EEF2K: variants seen among roughly 807,000 people sequenced by gnomAD.
EEF2K encodes the protein eukaryotic elongation factor 2 kinase.
Under a neutral mutation model 93.8 loss-of-function variants are expected in EEF2K, and 70 were observed. The observed-to-expected ratio is 0.75, with a 90% CI of 0.62 to 0.91. The LOEUF (loss-of-function observed/expected upper bound fraction) is 0.91, where lower values mean the gene tolerates loss of function less well. EEF2K is among the 40% of genes least tolerant of loss of function. EEF2K has a pLI of 0.00. For synonymous variants in EEF2K, 376 were observed against 380.8 expected (o/e 0.99, Z 0.15); for missense variants, 935 against 972.9 (o/e 0.96, Z 0.52).
intron 17 of EEF2K, among the ~76,000 whole-genome samples, chr16:22,281,947 A>G (rs1289887291): frequency 3.3e-5 from 5 of 152,172 alleles, no homozygotes. Flanking sequence ...AAAACAAAAT[A>G]CTATAGAGTG....
intron 2 of EEF2K, among the ~76,000 whole-genome samples, chr16:22,233,347 T>G (rs557155549): frequency 2.4e-4 from 36 of 152,196 alleles, no homozygotes; most frequent in Admixed American, 2.4e-3. Context: ...CAAATACATG[T>G]TTTTAATTTG....
intron 1 of EEF2K, among the ~76,000 whole-genome samples, chr16:22,207,635 T>A (rs2046876023): frequency 6.6e-6 from 1 of 152,088 alleles, no homozygotes; most frequent in African/African-American, 2.4e-5. Flanking sequence ...AGCCCTGTGG[T>A]TGAGGGCCCT....
chr16:22,228,374 A>C (rs1200958038), intron 2 of EEF2K, among the ~76,000 whole-genome samples: 3 of 152,182 alleles, frequency 2.0e-5, no homozygotes, highest in Non-Finnish European at 4.4e-5. Flanking sequence ...CCGTAATCCC[A>C]GCACTTTGGG....
intron 13 of EEF2K, 146 bp from the exon 14 acceptor site, chr16:22,266,244 C>A: frequency 8.0e-7 from 1 of 1,255,742 alleles, no homozygotes. Flanking sequence ...AAATTGGAGC[C>A]ATGTTTTGCC....
intron 17 of EEF2K, among the ~76,000 whole-genome samples, chr16:22,281,814 C>T (rs1359825812): frequency 6.6e-6 from 1 of 152,126 alleles, no homozygotes; most frequent in Admixed American, 6.6e-5. Flanking sequence ...GTACTTCATT[C>T]CTTCTTATTA....
At chr16:22,213,539 TCG>T (rs1339394901) in intron 1 of EEF2K, among the ~76,000 whole-genome samples, 1 of 152,234 alleles carries the variant, frequency 6.6e-6, no homozygotes, top group Admixed American at 6.5e-5. Context: ...CTTCAGGACT[TCG>T]TTAGTTTCCA....
chr16:22,240,990 A>G (rs1460758477), intron 2 of EEF2K, among the ~76,000 whole-genome samples: 1 of 151,832 alleles, frequency 6.6e-6, no homozygotes, highest in African/African-American at 2.4e-5. Context: ...GGCTGGTATC[A>G]AACTCCTGAC....
chr16:22,281,307 A>G (rs1165283425), intron 17 of EEF2K, among the ~76,000 whole-genome samples: 1 of 151,116 alleles, frequency 6.6e-6, no homozygotes, highest in Non-Finnish European at 1.5e-5. Context: ...TGGCACAATC[A>G]TAGCTCACTC....
At position 22,263,144 on chromosome 16, in the gene EEF2K, G is replaced by A; in HGVS notation, c.1334G>A (p.Ser445Asn). 1 of 1,613,068 alleles carries A rather than the reference G, an allele frequency of 6.2e-7. No individual in the cohort carries two copies. Among genetic ancestry groups the A allele is most frequent in the Non-Finnish European group, 8.5e-7 (1 of 1,179,472 alleles). Residue 445 changes from serine to asparagine, a missense_variant, in exon 12 of 18, where the codon AGT becomes AAT. By Grantham distance (46) the Ser-to-Asn change is conservative. Transcript: ENST00000263026. The part of the protein sequence containing the change: ...SENSGDSGYP[S>N]EKRGELDDPE... ...AATAGTGGGGACAGCGGATACCCCAGTGAGAAGCGGGGTGAGCTGGATGAC... is the reference window on the plus strand; with the variant it reads ...AATAGTGGGGACAGCGGATACCCCAATGAGAAGCGGGGTGAGCTGGATGAC...
In EEF2K at chr16:22,244,644, C is replaced by T. The variant is rs200566569; in HGVS notation, c.261C>T (p.His87=). The T allele has an allele frequency of 3.8e-5, 62 of 1,613,996 alleles. No homozygotes were observed. Among genetic ancestry groups the T allele is most frequent in the Middle Eastern group, 1.6e-4 (1 of 6,062 alleles). The change falls in exon 3 of 18, where the codon CAC becomes CAT. Residue 87 remains histidine (H), a synonymous_variant. Transcript: ENST00000263026. ...NSFHFKEAWK[H]AIQKAKHMPD... Reference sequence around the variant, plus strand: ...GCCTTCCACAGGAAGCCTGGAAGCACGCAATCCAGAAGGCCAAGCACATGC... The same window carrying T: ...GCCTTCCACAGGAAGCCTGGAAGCATGCAATCCAGAAGGCCAAGCACATGC...
At position 22,268,318 on chromosome 16, in the gene EEF2K, A is replaced by T. The variant is rs944966651; in HGVS notation, c.1764+1442A>T. Among the ~76,000 whole-genome samples, 6 of 152,066 alleles carry T rather than the reference A, an allele frequency of 3.9e-5. No homozygotes were observed. The South Asian group carries it at 1.2e-3, about 32-fold the overall frequency. On this transcript the variant is annotated intron_variant, in intron 15 of 17. Transcript: ENST00000263026. ...CTCAGACTCCCGAGTAGCTGGGATT[A>T]CAGGTGCCTGCCACCGCACCCAGCT...
rs556000173 is a variant in EEF2K at position 22,234,941 on chromosome 16, T to G, written c.246+8966T>G. Among the ~76,000 whole-genome samples, 431 of 141,844 alleles carry G rather than the reference T, an allele frequency of 3.0e-3. 1 individual carries two copies. Among genetic ancestry groups the G allele is most frequent in the Non-Finnish European group, 4.5e-3 (298 of 66,266 alleles). 93.1% of individuals were successfully genotyped at this position (141,844 alleles called of 152,430 possible). A position where few individuals can be genotyped will look rare whatever the true frequency, so the allele number is the denominator to read the frequency against. ...TGTTGCCCCTGCTGGAGTGCAGTGG[T>G]GCCATCTCTGCTCACTGCAACCTCT... is the stretch of plus-strand genomic sequence containing the variant. On this transcript the variant is annotated intron_variant, in intron 2 of 17. Coordinates refer to ENST00000263026, the MANE Select transcript of EEF2K (RefSeq NM_013302.5).
intron 2 of EEF2K, among the ~76,000 whole-genome samples, chr16:22,240,436 T>C (rs1180676513): frequency 1.3e-5 from 2 of 152,166 alleles, no homozygotes; most frequent in Non-Finnish European, 2.9e-5. Flanking sequence ...ATTTCTAGAT[T>C]TTAAATGTGA....
rs1459777096 is a variant in EEF2K, at chr16:22,285,522, C to T, written c.*1526C>T. On this transcript the variant is annotated 3_prime_UTR_variant, in exon 18 of 18. Coordinates refer to ENST00000263026, the MANE Select transcript of EEF2K (RefSeq NM_013302.5). The stretch of plus-strand genomic sequence containing the variant: ...ATTAGTATGATTTCATTTGATGTTT[C>T]AAATAGCAAAGATGCTAGGTGCGGT... 6.6e-6 allele frequency: 1 copy of T among 152,102 alleles called. No individual in the cohort carries two copies. The highest frequency in any genetic ancestry group is 1.5e-5 in the Non-Finnish European group (1 of 68,028). 9.4% of individuals were successfully genotyped at this position (152,102 alleles called of 1,614,324 possible). A position where few individuals can be genotyped will look rare whatever the true frequency, so the allele number is the denominator to read the frequency against.
chr16:22,232,824 G>C (rs2047129295), intron 2 of EEF2K, among the ~76,000 whole-genome samples: 2 of 152,148 alleles, frequency 1.3e-5, no homozygotes, highest in Non-Finnish European at 2.9e-5. Context: ...GCTTCAGAGG[G>C]AGACAACAGC....
At chr16:22,266,992 T>C (rs1447158951) in intron 15 of EEF2K, 116 bp downstream of exon 15, 2 of 1,283,930 alleles carry the variant, frequency 1.6e-6, no homozygotes, top group Admixed American at 2.5e-5. Flanking sequence ...CTGAGGTTTA[T>C]GCATGCCACA....
chr16:22,257,846 T>C, intron 9 of EEF2K, 76 bp downstream of exon 9: 1 of 1,570,062 alleles, frequency 6.4e-7, no homozygotes, highest in African/African-American at 1.3e-5. Flanking sequence ...CTCCCCTGTG[T>C]GGTGACAGCC....
At chr16:22,258,791 C>G in intron 10 of EEF2K, 96 bp downstream of exon 10, 2 of 1,524,514 alleles carry the variant, frequency 1.3e-6, no homozygotes, top group Non-Finnish European at 1.8e-6. Flanking sequence ...ATCAGACATG[C>G]TAATCGAAAA....
At position 22,285,160 on chromosome 16, in the gene EEF2K, C is replaced by G. The variant is rs2047742738; in HGVS notation, c.*1164C>G. The G allele has an allele frequency of 1.3e-5, 2 of 152,556 alleles. No individual in the cohort carries two copies. Among genetic ancestry groups the G allele is most frequent in the African/African-American group, 4.8e-5 (2 of 41,438 alleles). The allele number at this position is 152,556 out of a possible 1,614,324, so 9.5% of individuals were successfully genotyped here. A position where few individuals can be genotyped will look rare whatever the true frequency, so the allele number is the denominator to read the frequency against. ...GGAATGTGAGAGCCTTTTCTCCAAGCAGACCCACACTCTGCATCTCAGTGG... is the reference window on the plus strand; with the variant it reads ...GGAATGTGAGAGCCTTTTCTCCAAGGAGACCCACACTCTGCATCTCAGTGG... On this transcript the variant is annotated 3_prime_UTR_variant, in exon 18 of 18. Transcript: ENST00000263026.
Sources: allele counts gnomAD v4.1 joint callset (sites outside exome capture counted in the v4.1 genomes callset), GRCh38; gene constraint gnomAD v4.1.1; transcripts MANE v1.5; gene names NCBI Gene and HGNC (gene_info 2026-07-23, HGNC 2026-07-21).